The following RAB6B variants were observed in gnomAD, a reference collection of about 807,000 sequenced individuals.
RAB6B encodes the protein RAB6B, member RAS oncogene family.
A neutral mutation model predicts 31.2 loss-of-function variants in RAB6B; 7 were observed. The ratio of observed to expected loss-of-function variants is 0.22; its 90% CI spans 0.13 to 0.42. RAB6B has a LOEUF of 0.42. RAB6B is among the 10% of genes least tolerant of loss of function. The pLI is 1.00. For missense variants in RAB6B, 149 were observed against 280.6 expected, an observed-to-expected ratio of 0.53 and a Z score of 3.35; for synonymous variants, 105 against 104.9, an observed-to-expected ratio of 1.00 and a Z score of -0.01.
At chr3:133,841,538 A>G in intron 3 of RAB6B, 72 bp downstream of exon 3, 1 of 1,572,208 alleles carries the variant, frequency 6.4e-7, no homozygotes, top group Non-Finnish European at 8.7e-7. Context: ...AGTGGTGCCC[A>G]GCTAAGGGTC....
chr3:133,846,813 GACAC>G (rs1219859457), intron 2 of RAB6B, among the ~76,000 whole-genome samples: 1 of 152,124 alleles, frequency 6.6e-6, no homozygotes, highest in Non-Finnish European at 1.5e-5. Flanking sequence ...AATAAAACAA[GACAC>G]ACACACAAAA....
chr3:133,867,472 G>A (rs1355275031), intron 1 of RAB6B, among the ~76,000 whole-genome samples: 1 of 152,170 alleles, frequency 6.6e-6, no homozygotes, highest in Non-Finnish European at 1.5e-5. Context: ...TCACACAACG[G>A]GCATTAAGGT....
rs1251112776 is a variant in RAB6B at position 133,828,814 on chromosome 3, C to T, written c.601G>A (p.Ala201Thr). The change falls in exon 8 of 8, where the codon GCC (alanine) becomes ACC (threonine). Residue 201 changes from alanine (A) to threonine (T), a missense_variant. By Grantham distance (58) the Ala-to-Thr change is moderately conservative. This residue lies in a region of RAB6B where 74 missense variants were observed against 100.5 expected (regional missense o/e 0.74). Coordinates refer to ENST00000285208, the MANE Select transcript of RAB6B (RefSeq NM_016577.4). ...TAGCAGGAGCAGCCGCCCTCGCTGG[C>T]CGGGGGCTCCTGGGGTTTGTCCAGC... Reference protein sequence around the residue: ...IKLDKPQEPPASEGGCSC With the variant: ...IKLDKPQEPPTSEGGCSC 2 of 1,613,050 alleles carry T rather than the reference C, an allele frequency of 1.2e-6. No individual in the cohort carries two copies. The highest frequency in any genetic ancestry group is 1.7e-6 in the Non-Finnish European group (2 of 1,179,548).
intron 2 of RAB6B, among the ~76,000 whole-genome samples, chr3:133,861,065 C>T (rs1936154378): frequency 6.6e-6 from 1 of 152,238 alleles, no homozygotes; most frequent in Admixed American, 6.5e-5. Context: ...TGAACCCTTC[C>T]ATGGTGGCAT....
chr3:133,853,745 T>A lies in RAB6B; in HGVS notation c.129+10839A>T, dbSNP rs577608887. On this transcript the variant is annotated intron_variant, in intron 2 of 7. Transcript: ENST00000285208. ...GCTTCCCTGGCCCTTGGCTTCCTCA[T>A]CTCTAATACATGAAAAGTCACAGCT... is the stretch of plus-strand genomic sequence containing the variant. Among the ~76,000 whole-genome samples the A allele has an allele frequency of 2.6e-5, 4 of 152,228 alleles. No individual in the cohort carries two copies. In the South Asian group the frequency reaches 8.3e-4, roughly 32 times the overall value.
chr3:133,895,251 G>A, intron 1 of RAB6B, 146 bp downstream of exon 1: 1 of 382,724 alleles, frequency 2.6e-6, no homozygotes, highest in Admixed American at 3.4e-5. Context: ...GCCCGACCCC[G>A]CCCCGACCTC....
chr3:133,865,379 C>T (rs1204021670), intron 1 of RAB6B, among the ~76,000 whole-genome samples: 1 of 152,260 alleles, frequency 6.6e-6, no homozygotes, highest in African/African-American at 2.4e-5. Context: ...GGGAATCCTA[C>T]AAATGCTGCT....
chr3:133,878,434 A>G (rs1458886088), intron 1 of RAB6B, among the ~76,000 whole-genome samples: 1 of 152,158 alleles, frequency 6.6e-6, no homozygotes, highest in Non-Finnish European at 1.5e-5. Flanking sequence ...TTCTATGTCC[A>G]GGGACAACAT....
chr3:133,828,727 G>T lies in RAB6B; in HGVS notation c.*61C>A. ...GGTTCCCTCCCCCCTTAGGAAGCTA[G>T]CCAATAGGAAGCAACACAACAAGCA... is the stretch of plus-strand genomic sequence containing the variant. On this transcript the variant is annotated 3_prime_UTR_variant, in exon 8 of 8. Coordinates refer to ENST00000285208, the MANE Select transcript of RAB6B (RefSeq NM_016577.4). 1 of 1,491,358 alleles carries T rather than the reference G, an allele frequency of 6.7e-7. No homozygotes were observed. 92.4% of individuals were successfully genotyped at this position (1,491,358 alleles called of 1,614,324 possible).
At chr3:133,887,533 G>A (rs1475120422) in intron 1 of RAB6B, among the ~76,000 whole-genome samples, 1 of 152,194 alleles carries the variant, frequency 6.6e-6, no homozygotes, top group Non-Finnish European at 1.5e-5. Flanking sequence ...GGCTGGGAGT[G>A]TTATTGGCTT....
At chr3:133,888,785 GTTGTGAGTCTTCA>G (rs1217005551) in intron 1 of RAB6B, among the ~76,000 whole-genome samples, 3 of 152,162 alleles carry the variant, frequency 2.0e-5, no homozygotes, top group Admixed American at 2.0e-4. Context: ...GTCCTTAAGA[GTTGTGAGTCTTCA>G]TCTTTTCCTT....
rs1346318852 is a variant in RAB6B, at chr3:133,825,370, C to T, written c.*3418G>A. ...TCTGCACTCTTAACTACCACCATTT[C>T]AATCCTTGTTTCTGTTGCCAGAGAT... On this transcript the variant is annotated 3_prime_UTR_variant, in exon 8 of 8. Transcript: ENST00000285208. The T allele has an allele frequency of 6.6e-6, 1 of 152,266 alleles. No individual in the cohort carries two copies. The highest frequency in any genetic ancestry group is 1.9e-4 in the East Asian group (1 of 5,198). 9.4% of individuals were successfully genotyped at this position (152,266 alleles called of 1,614,324 possible). A position where few individuals can be genotyped will look rare whatever the true frequency, so the allele number is the denominator to read the frequency against.
chr3:133,855,286 T>C (rs1226114063), intron 2 of RAB6B, among the ~76,000 whole-genome samples: 1 of 152,238 alleles, frequency 6.6e-6, no homozygotes, highest in Non-Finnish European at 1.5e-5. Flanking sequence ...AGCGCAGTAA[T>C]GCGCCCTGGG....
At chr3:133,851,420 A>C in intron 2 of RAB6B, among the ~76,000 whole-genome samples, 1 of 152,246 alleles carries the variant, frequency 6.6e-6, no homozygotes, top group East Asian at 1.9e-4. Context: ...AAACGACCAA[A>C]GAAGAGGGAC....
chr3:133,868,650 C>T (rs1353657679), intron 1 of RAB6B, among the ~76,000 whole-genome samples: 1 of 152,198 alleles, frequency 6.6e-6, no homozygotes, highest in Non-Finnish European at 1.5e-5. Context: ...CTGCTCATGG[C>T]TCAGCAATGT....
intron 6 of RAB6B, among the ~76,000 whole-genome samples, chr3:133,836,014 C>T (rs999450101): frequency 6.6e-6 from 1 of 152,224 alleles, no homozygotes; most frequent in Non-Finnish European, 1.5e-5. Context: ...ATGTGAATTG[C>T]AGGAACTGGG....
intron 7 of RAB6B, 100 bp downstream of exon 7, chr3:133,834,475 G>T: frequency 7.6e-7 from 1 of 1,309,482 alleles, no homozygotes; most frequent in Non-Finnish European, 1.1e-6. Context: ...AGGGAAGGCT[G>T]GGCGGGGACT....
intron 1 of RAB6B, among the ~76,000 whole-genome samples, chr3:133,883,165 A>G (rs1106735): frequency 0.14 from 20,680 of 152,218 alleles, 1,498 homozygotes; most frequent in South Asian, 0.25. Flanking sequence ...GGTCACAGTG[A>G]GGCAGAGCCA....
rs1936049416 is a variant in RAB6B at position 133,854,705 on chromosome 3, T to C, written c.129+9879A>G. Reference sequence around the variant, plus strand: ...ATCCACATTTATCTTCTTCTGAACATGGTATTAAACAGTATCTACAGGGGT... The same window carrying C: ...ATCCACATTTATCTTCTTCTGAACACGGTATTAAACAGTATCTACAGGGGT... On this transcript the variant is annotated intron_variant, in intron 2 of 7. Transcript: ENST00000285208. Among the ~76,000 whole-genome samples, 2 of 152,208 alleles carry C rather than the reference T, an allele frequency of 1.3e-5. 1 individual carries two copies. The highest frequency in any genetic ancestry group is 4.1e-4 in the South Asian group (2 of 4,828).
Sources: allele counts gnomAD v4.1 joint callset (sites outside exome capture counted in the v4.1 genomes callset), GRCh38; gene constraint gnomAD v4.1.1; regional missense constraint gnomAD v4.1.1; transcripts MANE v1.5; gene names NCBI Gene and HGNC (gene_info 2026-07-23, HGNC 2026-07-21).